GUCY2F: variants seen among roughly 807,000 people sequenced by gnomAD.
GUCY2F encodes the protein guanylate cyclase 2F, retinal, also known as retinal guanylyl cyclase 2.
GUCY2F carries 61 observed loss-of-function variants against 73.1 expected under a neutral mutation model. That is an observed-to-expected ratio of 0.83 (90% confidence interval 0.68 to 1.03). The LOEUF is 1.03. Among genes scored for constraint, GUCY2F ranks in the 50% least tolerant of loss-of-function variants. The pLI, the probability that GUCY2F is intolerant of heterozygous loss-of-function variation, is 0.00. For missense variants in GUCY2F, 912 were observed against 854.3 expected, an observed-to-expected ratio of 1.07 and a Z score of -0.84; for synonymous variants, 331 against 307.8, an observed-to-expected ratio of 1.08 and a Z score of -0.79.
At chrX:109,375,025 G>C (rs1930142965) in intron 19 of GUCY2F, among the ~76,000 whole-genome samples, 1 of 109,570 alleles carries the variant, frequency 9.1e-6, no homozygotes, top group African/African-American at 3.3e-5. Context: ...GATTATTTTG[G>C]GACATGTTAG....
At chrX:109,384,163 A>C (rs770433215) in intron 16 of GUCY2F, among the ~76,000 whole-genome samples, 5 of 112,090 alleles carry the variant, frequency 4.5e-5, no homozygotes, top group African/African-American at 6.5e-5. Flanking sequence ...CTGTTTCTAC[A>C]CATGAGTGAT....
At chrX:109,408,482 G>T (rs951965841) in intron 9 of GUCY2F, among the ~76,000 whole-genome samples, 1 of 112,002 alleles carries the variant, frequency 8.9e-6, no homozygotes, top group Non-Finnish European at 1.9e-5. Flanking sequence ...GGCATGATTG[G>T]TTTTGAAATG....
chrX:109,481,105 A>AGGAG (rs1569380138), intron 1 of GUCY2F, among the ~76,000 whole-genome samples: 2 of 38,898 alleles, frequency 5.1e-5, no homozygotes, highest in African/African-American at 1.9e-4. Context: ...GAAGGAAGGA[A>AGGAG]GGGAGGGAGG....
chrX:109,385,417 A>G, intron 15 of GUCY2F, 135 bp from the exon 16 acceptor site: 1 of 386,095 alleles, frequency 2.6e-6, no homozygotes, highest in Non-Finnish European at 4.5e-6. Flanking sequence ...GTGAATCTGA[A>G]GAAAGACACA....
chrX:109,457,495 T>C (rs1260843288), intron 3 of GUCY2F, among the ~76,000 whole-genome samples: 5 of 112,224 alleles, frequency 4.5e-5, no homozygotes, highest in Non-Finnish European at 9.4e-5. Context: ...TTAACGGCAG[T>C]ACCTCCAATA....
intron 5 of GUCY2F, among the ~76,000 whole-genome samples, chrX:109,448,695 C>T (rs964955048): frequency 8.0e-5 from 9 of 112,162 alleles, no homozygotes; most frequent in Non-Finnish European, 1.1e-4. Context: ...TGGCTGTGGG[C>T]CCAGATTTCT....
At chrX:109,396,374 C>T (rs1471027621) in intron 11 of GUCY2F, among the ~76,000 whole-genome samples, 2 of 111,134 alleles carry the variant, frequency 1.8e-5, no homozygotes, top group Non-Finnish European at 3.8e-5. Flanking sequence ...CATTATCTCT[C>T]AATATCCCCA....
intron 6 of GUCY2F, among the ~76,000 whole-genome samples, chrX:109,446,516 A>C (rs1474512160): frequency 2.7e-5 from 3 of 110,417 alleles, no homozygotes; most frequent in Non-Finnish European, 5.6e-5. Context: ...CAAAATCAAG[A>C]AATGGGGAAA....
chrX:109,406,449 C>T (rs6643439), intron 9 of GUCY2F, among the ~76,000 whole-genome samples: 1 of 111,322 alleles, frequency 9.0e-6, no homozygotes, highest in African/African-American at 3.3e-5. Context: ...AAGAAAGGAT[C>T]GCTTAAGGCA....
chrX:109,432,765 C>G (rs1273820674), intron 7 of GUCY2F, among the ~76,000 whole-genome samples: 3 of 112,171 alleles, frequency 2.7e-5, no homozygotes, highest in East Asian at 5.6e-4. Context: ...CTGCACATCA[C>G]CAAATTCTAT....
chrX:109,446,895 C>A (rs1408617844), intron 6 of GUCY2F, among the ~76,000 whole-genome samples: 3 of 111,814 alleles, frequency 2.7e-5, no homozygotes, highest in Non-Finnish European at 5.6e-5. Context: ...GGGGTAATAT[C>A]CAGAATCTAC....
chrX:109,429,919 G>A (rs1042136014), intron 8 of GUCY2F, among the ~76,000 whole-genome samples: 1 of 112,526 alleles, frequency 8.9e-6, no homozygotes, highest in African/African-American at 3.2e-5. Flanking sequence ...AATCATAATA[G>A]CTACCACTTG....
At chrX:109,475,013 T>G (rs1431602911) in intron 2 of GUCY2F, among the ~76,000 whole-genome samples, 194 bp downstream of exon 2, 1 of 112,224 alleles carries the variant, frequency 8.9e-6, no homozygotes, top group African/African-American at 3.2e-5. Flanking sequence ...TTCTTTGTAC[T>G]GTTATTCAGT....
At chrX:109,435,701 G>C (rs1203869340) in intron 7 of GUCY2F, among the ~76,000 whole-genome samples, 1 of 110,998 alleles carries the variant, frequency 9.0e-6, no homozygotes, top group African/African-American at 3.3e-5. Flanking sequence ...TCCCTGTCTT[G>C]TGCCAGTTTT....
chrX:109,479,888 A>G (rs1216885266), intron 1 of GUCY2F, among the ~76,000 whole-genome samples: 1 of 111,607 alleles, frequency 9.0e-6, no homozygotes, highest in Non-Finnish European at 1.9e-5. Context: ...CTACAAAAAA[A>G]AAATGGGAGA....
intron 3 of GUCY2F, among the ~76,000 whole-genome samples, chrX:109,457,756 G>C (rs1479855787): frequency 9.0e-6 from 1 of 111,284 alleles, no homozygotes; most frequent in Non-Finnish European, 1.9e-5. Context: ...TAGGGTAATA[G>C]AAAACAATAG....
Position 109,475,445 on chromosome X carries a change from G to A in GUCY2F, c.492C>T (p.Thr164=). 1 of 1,211,312 alleles carries A rather than the reference G, an allele frequency of 8.3e-7. No homozygotes were observed. The highest frequency in any genetic ancestry group is 1.1e-6 in the Non-Finnish European group (1 of 895,061). The change falls in exon 2 of 20, where the codon ACC becomes ACT. Residue 164 remains threonine, a synonymous_variant. Transcript: ENST00000218006. ...YELDNKISYP[T]FSRTLPSPIR... ...TGGGAGAAGGGAGTGTCCGAGAAAA[G>A]GTCGGGTAGCTAATTTTATTGTCTA...
chrX:109,414,154 T>C (rs761408464), intron 8 of GUCY2F, among the ~76,000 whole-genome samples: 1 of 110,684 alleles, frequency 9.0e-6, no homozygotes, highest in Non-Finnish European at 1.9e-5. Flanking sequence ...GTATTTTTAG[T>C]AGAGACAGGG....
intron 9 of GUCY2F, among the ~76,000 whole-genome samples, chrX:109,406,703 T>G (rs895573544): frequency 9.0e-6 from 1 of 111,226 alleles, no homozygotes; most frequent in Admixed American, 9.5e-5. Flanking sequence ...CAGGGGGATG[T>G]AATTGAATCA....
Sources: gnomAD v4.1 joint callset for allele counts (sites outside exome capture counted in the v4.1 genomes callset) on GRCh38, gnomAD v4.1.1 for gene constraint, MANE v1.5 for transcripts, NCBI Gene and HGNC (gene_info 2026-07-23, HGNC 2026-07-21) for gene names.